Variants in NKAIN2 observed in about 807,000 individuals in gnomAD.
The protein encoded by NKAIN2 is sodium/potassium-transporting ATPase subunit beta-1-interacting protein 2.
NKAIN2 carries 14 observed loss-of-function variants against 32.6 expected under a neutral mutation model. The observed-to-expected ratio is 0.43, with a 90% CI of 0.28 to 0.67. NKAIN2 has a LOEUF of 0.67. Ranked by LOEUF, NKAIN2 falls within the 30% of genes least tolerant of loss-of-function variation. The pLI is 0.17. For synonymous variants in NKAIN2, 80 were observed against 87.2 expected, an observed-to-expected ratio of 0.92 and a Z score of 0.46; for missense variants, 198 against 258.3, an observed-to-expected ratio of 0.77 and a Z score of 1.60.
At chr6:124,256,098 C>A (rs961776262) in intron 1 of NKAIN2, among the ~76,000 whole-genome samples, 1 of 152,154 alleles carries the variant, frequency 6.6e-6, no homozygotes, top group Admixed American at 6.5e-5. Flanking sequence ...TTAGTCTATT[C>A]TCAGCAAGTC....
intron 2 of NKAIN2, among the ~76,000 whole-genome samples, chr6:124,290,732 G>C (rs552552610): frequency 5.2e-4 from 78 of 150,792 alleles, no homozygotes; most frequent in Admixed American, 2.6e-3. Context: ...CCTTGCTTAA[G>C]TGTATCCTAA....
chr6:124,530,217 A>T (rs1245277968), intron 3 of NKAIN2, among the ~76,000 whole-genome samples: 1 of 152,242 alleles, frequency 6.6e-6, no homozygotes. Flanking sequence ...CAATATAAAC[A>T]GTCAGTTAAT....
intron 4 of NKAIN2, among the ~76,000 whole-genome samples, chr6:124,771,385 C>A (rs1292474770): frequency 6.6e-6 from 1 of 152,132 alleles, no homozygotes; most frequent in Non-Finnish European, 1.5e-5. Context: ...ATTGAACCAA[C>A]AGGTGTGTTT....
chr6:124,545,481 A>G (rs1010283913), intron 3 of NKAIN2, among the ~76,000 whole-genome samples: 92 of 152,248 alleles, frequency 6.0e-4, no homozygotes, highest in Middle Eastern at 3.4e-3. Context: ...TCTTATGGTG[A>G]GAATCTTTGG....
chr6:124,036,062 A>T (rs1781593096), intron 1 of NKAIN2, among the ~76,000 whole-genome samples: 1 of 152,134 alleles, frequency 6.6e-6, no homozygotes, highest in South Asian at 2.1e-4. Flanking sequence ...GATTCACACC[A>T]TGTGGGTACT....
chr6:124,600,954 T>G (rs1395722502), intron 3 of NKAIN2, among the ~76,000 whole-genome samples: 1 of 152,080 alleles, frequency 6.6e-6, no homozygotes, highest in Non-Finnish European at 1.5e-5. Context: ...ATGCCATTAC[T>G]ACTGGTGTCT....
intron 4 of NKAIN2, among the ~76,000 whole-genome samples, chr6:124,672,463 A>G (rs1282873488): frequency 1.3e-5 from 2 of 152,090 alleles, no homozygotes; most frequent in African/African-American, 4.8e-5. Flanking sequence ...CTCTATGACT[A>G]TTGGATAGTG....
intron 1 of NKAIN2, among the ~76,000 whole-genome samples, chr6:124,281,459 A>C (rs1795293077): frequency 6.6e-6 from 1 of 152,330 alleles, no homozygotes; most frequent in East Asian, 1.9e-4. Flanking sequence ...CAGGTTTATA[A>C]AGCTTAAGTG....
chr6:123,972,151 G>T (rs145642463), intron 1 of NKAIN2, among the ~76,000 whole-genome samples: 1 of 152,258 alleles, frequency 6.6e-6, no homozygotes. Flanking sequence ...TGAGAATACA[G>T]TACATAATAC....
chr6:123,929,603 A>G (rs958659373), intron 1 of NKAIN2, among the ~76,000 whole-genome samples: 1 of 152,154 alleles, frequency 6.6e-6, no homozygotes, highest in African/African-American at 2.4e-5. Flanking sequence ...TAAATCTATT[A>G]TGAAGTATTT....
intron 1 of NKAIN2, among the ~76,000 whole-genome samples, chr6:124,262,298 G>C (rs1231602074): frequency 2.0e-5 from 3 of 152,166 alleles, no homozygotes; most frequent in South Asian, 4.1e-4. Context: ...CCAAAGTCCA[G>C]TGGGGGAGAG....
intron 2 of NKAIN2, among the ~76,000 whole-genome samples, chr6:124,349,022 G>A (rs62434722): frequency 0.024 from 3,651 of 152,214 alleles, 90 homozygotes; most frequent in Non-Finnish European, 0.034. Context: ...GACAAGATTT[G>A]TTAGTACAAT....
At chr6:124,116,672 A>C (rs1785634013) in intron 1 of NKAIN2, among the ~76,000 whole-genome samples, 1 of 152,120 alleles carries the variant, frequency 6.6e-6, no homozygotes, top group African/African-American at 2.4e-5. Context: ...AGAGCAAAGA[A>C]GTGGCACTTC....
intron 3 of NKAIN2, among the ~76,000 whole-genome samples, chr6:124,430,361 T>G (rs1240680550): frequency 6.6e-6 from 1 of 152,190 alleles, no homozygotes; most frequent in Non-Finnish European, 1.5e-5. Context: ...AATTCCAAAA[T>G]TTAGTGATTT....
chr6:124,283,533 G>A (rs947531821), intron 2 of NKAIN2, among the ~76,000 whole-genome samples: 1 of 152,170 alleles, frequency 6.6e-6, no homozygotes, highest in African/African-American at 2.4e-5. Flanking sequence ...CAATAGGAAT[G>A]AACATATACT....
chr6:124,038,376 G>A (rs1333660059), intron 1 of NKAIN2, among the ~76,000 whole-genome samples: 3 of 151,820 alleles, frequency 2.0e-5, no homozygotes, highest in Admixed American at 6.6e-5. Flanking sequence ...CACCAGGCCC[G>A]GATAATTTCT....
chr6:124,077,685 C>G (rs912891219), intron 1 of NKAIN2, among the ~76,000 whole-genome samples: 4 of 150,942 alleles, frequency 2.7e-5, no homozygotes, highest in South Asian at 2.1e-4. Flanking sequence ...CAGACTTGAT[C>G]TCCTGGGCTC....
intron 1 of NKAIN2, among the ~76,000 whole-genome samples, chr6:124,216,941 A>C (rs1791510694): frequency 6.6e-6 from 1 of 152,148 alleles, no homozygotes; most frequent in South Asian, 2.1e-4. Context: ...GTAGAACATA[A>C]CTATTATAAA....
At chr6:124,279,413 A>T (rs7747765) in intron 1 of NKAIN2, among the ~76,000 whole-genome samples, 3 of 150,970 alleles carry the variant, frequency 2.0e-5, no homozygotes, top group Admixed American at 2.0e-4. Flanking sequence ...AGGCTGAGGC[A>T]GGAGAATGGC....
Sources: allele counts gnomAD v4.1 joint callset (sites outside exome capture counted in the v4.1 genomes callset), GRCh38; gene constraint gnomAD v4.1.1; transcripts MANE v1.5; gene names NCBI Gene and HGNC (gene_info 2026-07-23, HGNC 2026-07-21).